C8B: variants seen among roughly 807,000 people sequenced by gnomAD.
The protein encoded by C8B is complement component C8 beta chain.
C8B carries 67 observed loss-of-function variants against 64.6 expected under a neutral mutation model. That is an observed-to-expected ratio of 1.04 (90% CI 0.85 to 1.27). The LOEUF is 1.27. Among genes scored for constraint, C8B ranks in the 50% most tolerant of loss-of-function variants. The pLI is 0.00. For missense variants in C8B, 790 were observed against 725.2 expected, an observed-to-expected ratio of 1.09 and a Z score of -1.03; for synonymous variants, 284 against 257.7, an observed-to-expected ratio of 1.10 and a Z score of -0.98.
intron 6 of C8B, 98 bp downstream of exon 6, chr1:56,949,457 T>C: frequency 8.5e-7 from 1 of 1,174,892 alleles, no homozygotes; most frequent in Non-Finnish European, 1.3e-6. Flanking sequence ...AGTAAATGTC[T>C]TTTCTTTATA....
Position 56,960,087 on chromosome 1 carries a change from A to T in C8B, c.182T>A (p.Met61Lys). ...RQMRSVDVTL[M>K]PIDCELSSWS... is the part of the protein sequence containing the mutation. ...ACTAGACAGCTCACAATCAATGGGC[A>T]TCAGGGTAACATCCACACTCCGCAT... Residue 61 changes from methionine (M) to lysine (K), a missense_variant, in exon 2 of 12, where the codon ATG becomes AAG. Coordinates refer to ENST00000371237, the MANE Select transcript of C8B (RefSeq NM_000066.4). 6.2e-7 allele frequency: 1 copy of T among 1,614,168 alleles called. No individual in the cohort carries two copies. Among genetic ancestry groups the T allele is most frequent in the Non-Finnish European group, 8.5e-7 (1 of 1,180,020 alleles).
Position 56,940,901 on chromosome 1 carries a change from A to C in C8B, c.1346T>G (p.Met449Arg), listed in dbSNP as rs1644842942. The change falls in exon 9 of 12, where the codon ATG becomes AGG. Residue 449 changes from methionine (M) to arginine (R), a missense_variant. Transcript: ENST00000371237. ...CTGCACAGCGTCTCCCCACTCCTGC[A>C]TCAGGTCCGCCGTCGGCAGCTCCTG... ...AYQELPTADL[M>R]QEWGDAVQYN... 6.2e-7 allele frequency: 1 copy of C among 1,614,046 alleles called. No homozygotes were observed. Among genetic ancestry groups the C allele is most frequent in the Non-Finnish European group, 8.5e-7 (1 of 1,180,010 alleles).
At chr1:56,933,524 A>C (rs745932084) in intron 9 of C8B, 36 bp from the exon 10 acceptor site, 2 of 1,586,838 alleles carry the variant, frequency 1.3e-6, no homozygotes, top group South Asian at 2.2e-5. Context: ...TCAAGAGAAA[A>C]ACATTTATCA....
At chr1:56,929,656 G>T in intron 11 of C8B, 98 bp from the exon 12 acceptor site, 1 of 1,165,338 alleles carries the variant, frequency 8.6e-7, no homozygotes, top group Non-Finnish European at 1.3e-6. Context: ...GGCTTTGGGA[G>T]TCTGAATCTC....
chr1:56,941,979 G>A (rs1345375077), intron 8 of C8B, among the ~76,000 whole-genome samples: 2 of 152,062 alleles, frequency 1.3e-5, no homozygotes, highest in East Asian at 1.9e-4. Flanking sequence ...TTTCTTTTTT[G>A]TTCTCATCTA....
intron 2 of C8B, 128 bp downstream of exon 2, chr1:56,959,892 T>C (rs1645152672): frequency 2.9e-6 from 3 of 1,023,616 alleles, no homozygotes; most frequent in Admixed American, 1.9e-5. Flanking sequence ...AAAGGATGCA[T>C]TTATTAAGTT....
intron 7 of C8B, 74 bp downstream of exon 7, chr1:56,945,747 A>G: frequency 6.3e-7 from 1 of 1,589,450 alleles, no homozygotes; most frequent in Non-Finnish European, 8.6e-7. Context: ...AGGAAGGTAG[A>G]AAGAAAACTA....
chr1:56,956,625 G>A (rs145693778), intron 3 of C8B, 144 bp downstream of exon 3: 6 of 795,744 alleles, frequency 7.5e-6, no homozygotes, highest in Admixed American at 3.5e-5. Context: ...CATGTGAAAG[G>A]AGGTCAGAGA....
intron 6 of C8B, among the ~76,000 whole-genome samples, chr1:56,949,287 G>T (rs1644986387): frequency 6.6e-6 from 1 of 152,068 alleles, no homozygotes; most frequent in Admixed American, 6.5e-5. Context: ...GTAGGAGTGG[G>T]CTCCTGATAA....
chr1:56,954,629 A>G, intron 4 of C8B, 57 bp downstream of exon 4: 1 of 1,607,338 alleles, frequency 6.2e-7, no homozygotes, highest in South Asian at 1.1e-5. Context: ...TCTATCCGCC[A>G]GAATTCCATT....
chr1:56,930,126 T>A (rs1644678442), intron 11 of C8B, among the ~76,000 whole-genome samples: 1 of 152,206 alleles, frequency 6.6e-6, no homozygotes, highest in South Asian at 2.1e-4. Flanking sequence ...AATGAATGAA[T>A]GTTTTCCAGC....
Position 56,956,807 on chromosome 1 carries a change from C to T in C8B, c.353G>A (p.Ser118Asn), listed in dbSNP as rs149147808. The T allele has an allele frequency of 1.5e-5, 25 of 1,613,984 alleles. No homozygotes were observed. The African/African-American group carries it at 2.5e-4, about 16-fold the overall frequency. The change falls in exon 3 of 12, where the codon AGT becomes AAT. Residue 118 changes from serine to asparagine, a missense_variant. Physicochemically the swap from Ser to Asn is conservative, Grantham distance 46. Transcript: ENST00000371237. ...EDCVTNRPCG[S>N]QVRCEGFVCA... ...CACAAAGCCTTCACATCGCACTTGACTTCCGCATGGTCTGTTGGTAACACA... is the reference window on the plus strand; with the variant it reads ...CACAAAGCCTTCACATCGCACTTGATTTCCGCATGGTCTGTTGGTAACACA...
intron 5 of C8B, among the ~76,000 whole-genome samples, chr1:56,951,376 G>A (rs1189689834): frequency 6.6e-6 from 1 of 152,186 alleles, no homozygotes; most frequent in Non-Finnish European, 1.5e-5. Context: ...TGGGACCTGT[G>A]GCAGAGCCAG....
At chr1:56,931,070 A>G (rs1165212756) in intron 11 of C8B, among the ~76,000 whole-genome samples, 1 of 152,322 alleles carries the variant, frequency 6.6e-6, no homozygotes, top group South Asian at 2.1e-4. Flanking sequence ...TAAAGTGTCC[A>G]GTAAATGTTC....
rs60352517 is a variant in C8B at position 56,964,280 on chromosome 1, T to C, written c.92+1577A>G. ...ATATATATTTGATCGTGTCACTCCT[T>C]TGCTTCAACTCTTCAATGGCTTCCC... On this transcript the variant is annotated intron_variant, in intron 1 of 11. Transcript: ENST00000371237. 1.5e-4 allele frequency among the ~76,000 whole-genome samples: 23 copies of C among 152,292 alleles called. No homozygotes were observed. The East Asian group carries it at 4.4e-3, about 29-fold the overall frequency.
At chr1:56,937,872 G>C (rs2101374735) in intron 9 of C8B, among the ~76,000 whole-genome samples, 1 of 152,168 alleles carries the variant, frequency 6.6e-6, no homozygotes, top group Middle Eastern at 3.4e-3. Context: ...ATTTCACTAG[G>C]TCACAAGTTT....
intron 11 of C8B, among the ~76,000 whole-genome samples, chr1:56,930,267 C>A (rs1407747783): frequency 6.6e-6 from 1 of 152,200 alleles, no homozygotes; most frequent in East Asian, 1.9e-4. Flanking sequence ...GCTTTCCACA[C>A]CCTGACACTT....
chr1:56,943,012 C>T (rs1374351917), intron 8 of C8B, among the ~76,000 whole-genome samples: 1 of 151,810 alleles, frequency 6.6e-6, no homozygotes, highest in African/African-American at 2.4e-5. Flanking sequence ...GAGAGGATTG[C>T]CTGAGCCCCG....
At chr1:56,962,779 G>T (rs911992402) in intron 1 of C8B, among the ~76,000 whole-genome samples, 1 of 152,116 alleles carries the variant, frequency 6.6e-6, no homozygotes, top group Non-Finnish European at 1.5e-5. Flanking sequence ...CCATGAATTT[G>T]GTGTGTTTCC....
Sources: gnomAD v4.1 joint callset for allele counts (sites outside exome capture counted in the v4.1 genomes callset) on GRCh38, gnomAD v4.1.1 for gene constraint, MANE v1.5 for transcripts, NCBI Gene and HGNC (gene_info 2026-07-23, HGNC 2026-07-21) for gene names.